The following MYT1 variants were observed in gnomAD, a reference collection of about 807,000 sequenced individuals.
MYT1 encodes the protein myelin transcription factor I.
Under a neutral mutation model 123.0 loss-of-function variants are expected in MYT1, and 23 were observed. The ratio of observed to expected loss-of-function variants is 0.19; its 90% CI spans 0.13 to 0.26. The LOEUF (loss-of-function observed/expected upper bound fraction) is 0.26. Ranked by LOEUF, MYT1 falls within the 10% of genes least tolerant of loss-of-function variation. The probability of loss-of-function intolerance (pLI) is 1.00; values close to 1 mark genes in which losing one functional copy is unlikely to be tolerated. For synonymous variants in MYT1, 518 were observed against 575.3 expected, an observed-to-expected ratio of 0.90 and a Z score of 1.43; for missense variants, 1,125 against 1,472.5, an observed-to-expected ratio of 0.76 and a Z score of 3.86.
At chr20:64,224,154 G>T (rs1380125136) in intron 16 of MYT1, among the ~76,000 whole-genome samples, 1 of 152,048 alleles carries the variant, frequency 6.6e-6, no homozygotes, top group Non-Finnish European at 1.5e-5. Flanking sequence ...GCTCCTCCTG[G>T]GCACCGGGGC....
intron 10 of MYT1, among the ~76,000 whole-genome samples, chr20:64,214,049 G>A (rs1381684986): frequency 6.6e-6 from 1 of 152,214 alleles, no homozygotes; most frequent in Non-Finnish European, 1.5e-5. Context: ...GACCACGGAC[G>A]TCCAGGAAGC....
rs1983655499 is a variant in MYT1, at chr20:64,211,197, G to A, written c.1292-9G>A. 1 of 1,609,360 alleles carries A rather than the reference G, an allele frequency of 6.2e-7. No homozygotes were observed. Among genetic ancestry groups the A allele is most frequent in the Non-Finnish European group, 8.5e-7 (1 of 1,177,050 alleles). On this transcript the variant is annotated splice_polypyrimidine_tract_variant and intron_variant, in intron 7 of 22. Coordinates refer to ENST00000328439, the MANE Select transcript of MYT1 (RefSeq NM_004535.3). ...CCTGGCTCTAACTGATGTGACTTGT[G>A]TGTTTTAGATCCTTCAAGAGCTGAG...
chr20:64,234,730 T>TGGGCTGGCCGTGGTATGTGACCCA (rs1984447780), intron 19 of MYT1, among the ~76,000 whole-genome samples: 1 of 96,440 alleles, frequency 1.0e-5, no homozygotes, highest in Non-Finnish European at 1.9e-5. Flanking sequence ...TGAGTGACCC[T>TGGGCTGGCCGTGGTATGTGACCCA]GGGCTGGCCG....
intron 19 of MYT1, among the ~76,000 whole-genome samples, chr20:64,236,123 TGGTGGGTGACCCTGGGATGGTCGC>T (rs1984530302): frequency 3.4e-5 from 4 of 118,708 alleles, no homozygotes; most frequent in South Asian, 6.4e-4. Context: ...GGGCTGGCTG[TGGTGGGTGACCCTGGGATGGTCGC>T]GGTGGGTGAC....
intron 12 of MYT1, among the ~76,000 whole-genome samples, 181 bp downstream of exon 12, chr20:64,219,216 T>C (rs1983925066): frequency 6.6e-6 from 1 of 152,194 alleles, no homozygotes; most frequent in Non-Finnish European, 1.5e-5. Flanking sequence ...CTTGGATGGG[T>C]CCACCAGGAG....
At chr20:64,225,008 A>G (rs1984126852) in intron 16 of MYT1, among the ~76,000 whole-genome samples, 1 of 152,232 alleles carries the variant, frequency 6.6e-6, no homozygotes, top group African/African-American at 2.4e-5. Flanking sequence ...TTCTTTAGAA[A>G]TAACGACCAA....
In MYT1 at chr20:64,192,526, A is replaced by G. The variant is rs1458180705; in HGVS notation, c.-1+2366A>G. Among the ~76,000 whole-genome samples, 1 of 152,204 alleles carries G rather than the reference A, an allele frequency of 6.6e-6. No homozygotes were observed. Among genetic ancestry groups the G allele is most frequent in the Non-Finnish European group, 1.5e-5 (1 of 68,034 alleles). On this transcript the variant is annotated intron_variant, in intron 2 of 22. Transcript: ENST00000328439. The surrounding 1 kb of genome is among the most constrained non-coding windows in gnomAD (Gnocchi z 5.3). The stretch of plus-strand genomic sequence containing the variant: ...GCCAGCATGGGAGGGCAGTGAACAC[A>G]CAAACCCTGTGCATGGGACCGTCAC...
At chr20:64,235,375 G>A (rs1467508935) in intron 19 of MYT1, among the ~76,000 whole-genome samples, 1 of 136,062 alleles carries the variant, frequency 7.3e-6, no homozygotes, top group African/African-American at 2.9e-5. Context: ...GGTGACACTG[G>A]GCTGGTGGTG....
At chr20:64,204,407 A>C (rs1983417770) in intron 4 of MYT1, among the ~76,000 whole-genome samples, 1 of 152,202 alleles carries the variant, frequency 6.6e-6, no homozygotes, top group Non-Finnish European at 1.5e-5. Context: ...TCCACGAGGC[A>C]GATGCTGTTG....
Position 64,167,915 on chromosome 20 carries a change from G to A in MYT1, c.-99+3176G>A, listed in dbSNP as rs982513152. ...TAGATTAGTCAGACCGAGAAACGCC[G>A]TGTTTCCCAGAAGGGAAGAGAGCAG... On this transcript the variant is annotated intron_variant, in intron 1 of 22. Coordinates refer to ENST00000328439, the MANE Select transcript of MYT1 (RefSeq NM_004535.3). This position sits in a 1 kb window ranked among gnomAD's most constrained non-coding sequence, Gnocchi z 6.3. Among the ~76,000 whole-genome samples the A allele has an allele frequency of 2.6e-5, 4 of 152,252 alleles. No individual in the cohort carries two copies. The highest frequency in any genetic ancestry group is 5.9e-5 in the Non-Finnish European group (4 of 68,044).
At chr20:64,207,241 G>T (rs1983508723) in intron 6 of MYT1, among the ~76,000 whole-genome samples, 1 of 152,100 alleles carries the variant, frequency 6.6e-6, no homozygotes, top group African/African-American at 2.4e-5. Context: ...AATCTGACTT[G>T]CTGCTTAAGC....
rs1351250014 is a variant in MYT1, at chr20:64,221,989, A to G, written c.2338A>G (p.Thr780Ala). The change falls in exon 14 of 23, where the codon ACC (threonine) becomes GCC (alanine). Residue 780 changes from threonine (T) to alanine (A), a missense_variant. Thr to Ala is a moderately conservative substitution (Grantham distance 58). Transcript: ENST00000328439. ...FEERKYPGEV[T>A]LTNFKLKFLS... ...GGAGCGGAAGTATCCGGGGGAAGTC[A>G]CCCTGACCAACTTTAAGCTGAAGTT... 3 of 1,613,592 alleles carry G rather than the reference A, an allele frequency of 1.9e-6. No homozygotes were observed. Among genetic ancestry groups the G allele is most frequent in the African/African-American group, 2.7e-5 (2 of 75,056 alleles).
chr20:64,238,928 C>T (rs1335742671), intron 21 of MYT1, among the ~76,000 whole-genome samples: 1 of 152,238 alleles, frequency 6.6e-6, no homozygotes, highest in South Asian at 2.1e-4. Flanking sequence ...AGGCAGGTCC[C>T]TATCCCCCAT....
rs1983954789 is a variant in MYT1 at position 64,219,968 on chromosome 20, G to A, written c.2227G>A (p.Glu743Lys). The A allele has an allele frequency of 4.0e-6, 6 of 1,498,518 alleles. No homozygotes were observed. The highest frequency in any genetic ancestry group is 5.4e-6 in the Non-Finnish European group (6 of 1,120,648). 92.8% of individuals were successfully genotyped at this position (1,498,518 alleles called of 1,614,324 possible). The change falls in exon 13 of 23, where the codon GAG becomes AAG. Residue 743 changes from glutamate (E) to lysine (K), a missense_variant. Glu to Lys is a moderately conservative substitution (Grantham distance 56). This residue lies in a region of MYT1 where 429 missense variants were observed against 604.1 expected (regional missense o/e 0.71). Coordinates refer to ENST00000328439, the MANE Select transcript of MYT1 (RefSeq NM_004535.3). ...DYTKPSRLRE[E>K]EPEESEPAAH... The stretch of plus-strand genomic sequence containing the variant: ...CACCAAGCCTAGCCGCCTGAGAGAG[G>A]AGGAACCTGAGGAGGTGGGTGCAGG...
rs201534691 is a variant in MYT1, at chr20:64,207,478, C to T, written c.398-116C>T. 5 of 1,500,894 alleles carry T rather than the reference C, an allele frequency of 3.3e-6. No individual in the cohort carries two copies. The East Asian group carries it at 9.2e-5, about 28-fold the overall frequency. The allele number at this position is 1,500,894 out of a possible 1,614,324, so 93.0% of individuals were successfully genotyped here. A position where few individuals can be genotyped will look rare whatever the true frequency, so the allele number is the denominator to read the frequency against. ...GGAGTTTCATGTTTCCCCTTGGCTC[C>T]CGTATAAAGAGTGAGTGGTAGGTCA... On this transcript the variant is annotated intron_variant, in intron 6 of 22. Coordinates refer to ENST00000328439, the MANE Select transcript of MYT1 (RefSeq NM_004535.3).
Position 64,240,407 on chromosome 20 carries a change from C to T in MYT1, c.3325C>T (p.Leu1109=), listed in dbSNP as rs1336719737. 1 of 1,613,734 alleles carries T rather than the reference C, an allele frequency of 6.2e-7. No individual in the cohort carries two copies. Among genetic ancestry groups the T allele is most frequent in the Non-Finnish European group, 8.5e-7 (1 of 1,179,966 alleles). Residue 1109 remains leucine (L), a synonymous_variant, in exon 23 of 23, where the codon CTG becomes TTG. Coordinates refer to ENST00000328439, the MANE Select transcript of MYT1 (RefSeq NM_004535.3). The part of the protein sequence containing the change: ...SNQDPENKDL[L]ESIKQAVRGI... ...CCAGGACCCGGAGAACAAGGACCTC[C>T]TGGAGAGCATCAAGCAGGCTGTGAG...
At chr20:64,214,167 T>TTG (rs1380721160) in intron 10 of MYT1, among the ~76,000 whole-genome samples, 2 of 152,242 alleles carry the variant, frequency 1.3e-5, no homozygotes, top group Non-Finnish European at 2.9e-5. Context: ...CCAGAGTGCT[T>TTG]TGTGGCCCCT....
intron 3 of MYT1, among the ~76,000 whole-genome samples, chr20:64,199,394 T>C (rs1298261867): frequency 1.3e-5 from 2 of 152,164 alleles, no homozygotes; most frequent in African/African-American, 4.8e-5. Context: ...GGGGGCTTCC[T>C]CTTGTGCCCA....
chr20:64,235,931 CGGTGGGTGACCCTGGGCTGGACGT>C (rs1568722882), intron 19 of MYT1, among the ~76,000 whole-genome samples: 6 of 22,284 alleles, frequency 2.7e-4, no homozygotes, highest in South Asian at 1.5e-3. Flanking sequence ...GGGCTGGCCG[CGGTGGGTGACCCTGGGCTGGACGT>C]GGTGGGTGAC....
Sources: gnomAD v4.1 joint callset for allele counts (sites outside exome capture counted in the v4.1 genomes callset) on GRCh38, gnomAD v4.1.1 for gene constraint, gnomAD v4.1.1 regional missense constraint, Gnocchi (gnomAD v3.1) non-coding constraint, MANE v1.5 for transcripts, NCBI Gene and HGNC (gene_info 2026-07-23, HGNC 2026-07-21) for gene names.